TBCD: variants seen among roughly 807,000 people sequenced by gnomAD.
TBCD encodes tubulin folding cofactor D, also known as tubulin-specific chaperone D.
Under a neutral mutation model 169.3 loss-of-function variants are expected in TBCD, and 105 were observed. That is an observed-to-expected ratio of 0.62 (90% CI 0.53 to 0.73). The LOEUF is 0.73. Among genes scored for constraint, TBCD ranks in the 30% least tolerant of loss-of-function variants. The pLI is 0.00. For synonymous variants in TBCD, 700 were observed against 643.9 expected (o/e 1.09, Z -1.32); for missense variants, 1,444 against 1,600.1 (o/e 0.90, Z 1.66).
chr17:82,802,791 C>CTGA (rs1167397825), intron 9 of TBCD, among the ~76,000 whole-genome samples: 3 of 152,300 alleles, frequency 2.0e-5, no homozygotes, highest in African/African-American at 7.2e-5. Context: ...TCCAGAGCCC[C>CTGA]TGACACAAGC....
intron 13 of TBCD, chr17:82,858,570 G>A (rs927815259): frequency 4.1e-6 from 4 of 985,356 alleles, no homozygotes; most frequent in African/African-American, 1.7e-5. Flanking sequence ...GCTGGCTGGG[G>A]CTTCTGTTGA....
chr17:82,758,406 A>AAAAAAAAAAAAAAAAAAACAAAAAAAAAC (rs1159320509), intron 2 of TBCD, among the ~76,000 whole-genome samples: 1 of 145,302 alleles, frequency 6.9e-6, no homozygotes, highest in Non-Finnish European at 1.5e-5. Context: ...AAAAAAAATA[A>AAAAAAAAAAAAAAAAAAACAAAAAAAAAC]ATAAATAAAT....
intron 16 of TBCD, among the ~76,000 whole-genome samples, chr17:82,892,125 G>C (rs2059184519): frequency 6.6e-6 from 1 of 152,138 alleles, no homozygotes; most frequent in African/African-American, 2.4e-5. Context: ...AGCCTGGCCA[G>C]ACAGAGCCTT....
chr17:82,768,723 G>A (rs947011879), intron 5 of TBCD, among the ~76,000 whole-genome samples, 157 bp downstream of exon 5: 1 of 152,142 alleles, frequency 6.6e-6, no homozygotes, highest in East Asian at 1.9e-4. Flanking sequence ...TTTTGAAATT[G>A]TGATAATTCA....
chr17:82,871,258 A>C (rs2057537513), intron 14 of TBCD, among the ~76,000 whole-genome samples: 1 of 152,176 alleles, frequency 6.6e-6, no homozygotes, highest in Non-Finnish European at 1.5e-5. Flanking sequence ...GCAGGAAACG[A>C]TTCAATTCAA....
chr17:82,809,850 A>G (rs2051298106), intron 12 of TBCD, 68 bp downstream of exon 12: 1 of 1,434,224 alleles, frequency 7.0e-7, no homozygotes. Context: ...CTTTCCTTAT[A>G]TCCTTTCACG....
chr17:82,938,194 CAAG>C lies in TBCD; in HGVS notation c.3369+62_3369+64del, dbSNP rs577834490. 182 of 1,545,540 alleles carry C rather than the reference CAAG, an allele frequency of 1.2e-4. No homozygotes were observed. The African/African-American group carries it at 1.9e-3, about 16-fold the overall frequency. Reference sequence around the variant, plus strand: ...CGTGTGGACACAAGCCCCTCAGTGACAAGAAGGCCTTCGCTGGCACTGTTGTGT... The same window carrying C: ...CGTGTGGACACAAGCCCCTCAGTGACAAGGCCTTCGCTGGCACTGTTGTGT... On this transcript the variant is annotated intron_variant, in intron 36 of 38. Coordinates refer to ENST00000355528, the MANE Select transcript of TBCD (RefSeq NM_005993.5).
chr17:82,944,092 G>GAACTT lies in TBCD; in HGVS notation c.*1633_*1634insTAACT, dbSNP rs2063505970. ...AAGTGGCTTCTGAGAAAAACATGAT[G>GAACTT]AACTGTTCTTAGTGCAATTAAAAGA... On this transcript the variant is annotated 3_prime_UTR_variant, in exon 39 of 39. Coordinates refer to ENST00000355528, the MANE Select transcript of TBCD (RefSeq NM_005993.5). 1 of 152,252 alleles carries GAACTT rather than the reference G, an allele frequency of 6.6e-6. No homozygotes were observed. Among genetic ancestry groups the GAACTT allele is most frequent in the African/African-American group, 2.4e-5 (1 of 41,464 alleles). The allele number at this position is 152,252 out of a possible 1,614,324, so 9.4% of individuals were successfully genotyped here. A position where few individuals can be genotyped will look rare whatever the true frequency, so the allele number is the denominator to read the frequency against.
At chr17:82,762,354 G>A (rs565032413) in intron 2 of TBCD, among the ~76,000 whole-genome samples, 77 of 149,738 alleles carry the variant, frequency 5.1e-4, no homozygotes, top group African/African-American at 1.7e-3. Flanking sequence ...CTGTGAAAAT[G>A]TTTATGTACA....
chr17:82,857,448 C>T (rs753245212), intron 13 of TBCD, among the ~76,000 whole-genome samples: 3 of 151,894 alleles, frequency 2.0e-5, no homozygotes, highest in Non-Finnish European at 4.4e-5. Flanking sequence ...TGTATTGTGT[C>T]GTGTTTAATG....
rs771003321 is a variant in TBCD, at chr17:82,887,131, C to CTGTGTGTGTGTGTGTGTGTGTG, written c.1534-2520_1534-2499dup. Among the ~76,000 whole-genome samples the CTGTGTGTGTGTGTGTGTGTGTG allele has an allele frequency of 3.2e-5, 4 of 123,450 alleles. 1 individual carries two copies. The highest frequency in any genetic ancestry group is 1.6e-4 in the Admixed American group (2 of 12,892). 81.0% of individuals were successfully genotyped at this position (123,450 alleles called of 152,430 possible). ...CTTCTTCCTTGGTTTTACCTGTACT[C>CTGTGTGTGTGTGTGTGTGTGTG]TGTGTGTGTGTGTGTGTGTGTGTGT... On this transcript the variant is annotated intron_variant, in intron 15 of 38. Transcript: ENST00000355528.
At chr17:82,770,972 C>T (rs1019011639) in intron 5 of TBCD, among the ~76,000 whole-genome samples, 5 of 145,242 alleles carry the variant, frequency 3.4e-5, no homozygotes, top group Admixed American at 7.3e-5. Context: ...TGCTTGAACC[C>T]GGGAAGCAGA....
chr17:82,863,794 T>C (rs1397249217), intron 13 of TBCD, among the ~76,000 whole-genome samples: 1 of 152,108 alleles, frequency 6.6e-6, no homozygotes, highest in Admixed American at 6.5e-5. Flanking sequence ...GTGAGGAACC[T>C]GGAGAGGAGT....
At chr17:82,801,067 C>A in intron 9 of TBCD, 71 bp downstream of exon 9, 1 of 1,267,912 alleles carries the variant, frequency 7.9e-7, no homozygotes, top group Non-Finnish European at 1.0e-6. Context: ...GGGCAGGCGC[C>A]ATTGATGAGG....
intron 13 of TBCD, among the ~76,000 whole-genome samples, chr17:82,843,565 G>A (rs868037202): frequency 1.2e-4 from 8 of 65,258 alleles, no homozygotes; most frequent in East Asian, 9.0e-4. Flanking sequence ...TCCCCTCCCC[G>A]TCCAGCTTAC....
At position 82,884,147 on chromosome 17, in the gene TBCD, C is replaced by T. The variant is rs1252172174; in HGVS notation, c.1478C>T (p.Ala493Val). The T allele has an allele frequency of 6.2e-7, 1 of 1,608,646 alleles. No homozygotes were observed. The change falls in exon 15 of 39, where the codon GCA becomes GTA. Residue 493 changes from alanine (A) to valine (V), a missense_variant and splice_region_variant. Physicochemically the swap from Ala to Val is moderately conservative, Grantham distance 64 (BLOSUM62 0). Transcript: ENST00000355528. The surrounding 1 kb of genome is among the most constrained non-coding windows in gnomAD (Gnocchi z 4.2). ...LKPFVTAISS[A>V]LVIAAVFDRD... The stretch of plus-strand genomic sequence containing the variant: ...TTAATCCTTTCTCTTTTTCACAGTG[C>T]ACTGGTGATTGCTGCGGTGTTTGAC...
chr17:82,893,605 A>G lies in TBCD; in HGVS notation c.1622A>G (p.Asn541Ser). The change falls in exon 17 of 39, where the codon AAC becomes AGC. Residue 541 changes from asparagine to serine, a missense_variant. Asn to Ser is a conservative substitution (Grantham distance 46). Transcript: ENST00000355528. ...ACAGCTGACTATTTTGCCGTCGGTA[A>G]CAGATCCAACTGTTTCCTGGTTATA... The part of the protein sequence containing the change: ...LTTADYFAVG[N>S]RSNCFLVISV... 6.2e-7 allele frequency: 1 copy of G among 1,611,104 alleles called. No individual in the cohort carries two copies. The highest frequency in any genetic ancestry group is 1.7e-5 in the Admixed American group (1 of 59,626).
intron 12 of TBCD, among the ~76,000 whole-genome samples, chr17:82,810,836 C>T (rs1029622036): frequency 6.6e-6 from 1 of 152,216 alleles, no homozygotes; most frequent in African/African-American, 2.4e-5. Context: ...TGTCAGTCAC[C>T]AGGGACAGCT....
At chr17:82,900,774 C>A (rs766454687) in intron 18 of TBCD, 43 bp downstream of exon 18, 2 of 1,454,680 alleles carry the variant, frequency 1.4e-6, no homozygotes, top group Middle Eastern at 1.7e-4. Context: ...TTTTTTCCCC[C>A]CAAAGGAGAG....
Sources: allele counts gnomAD v4.1 joint callset (sites outside exome capture counted in the v4.1 genomes callset), GRCh38; gene constraint gnomAD v4.1.1; non-coding constraint Gnocchi (gnomAD v3.1); transcripts MANE v1.5; gene names NCBI Gene and HGNC (gene_info 2026-07-23, HGNC 2026-07-21).